The following PCDH15 variants were observed in gnomAD, a reference collection of about 807,000 sequenced individuals.
The protein encoded by PCDH15 is protocadherin related 15, also known as protocadherin-15.
Under a neutral mutation model 178.5 loss-of-function variants are expected in PCDH15, and 129 were observed. That is an observed-to-expected ratio of 0.72 (90% CI 0.63 to 0.84). The LOEUF (loss-of-function observed/expected upper bound fraction) is 0.84, where lower values mean the gene tolerates loss of function less well. Ranked by LOEUF, PCDH15 falls within the 40% of genes least tolerant of loss-of-function variation. PCDH15 has a pLI of 0.00. For synonymous variants in PCDH15, 800 were observed against 732.0 expected (o/e 1.09, Z -1.50); for missense variants, 2,230 against 2,099.9 (o/e 1.06, Z -1.21).
chr10:54,433,538 G>A (rs1361914354), intron 3 of PCDH15, among the ~76,000 whole-genome samples: 2 of 152,092 alleles, frequency 1.3e-5, no homozygotes. Context: ...GAGATAGAGA[G>A]TAGAAGCCTT....
chr10:55,433,471 T>A (rs1322898579), intron 2 of PCDH15, among the ~76,000 whole-genome samples: 1 of 152,164 alleles, frequency 6.6e-6, no homozygotes, highest in Admixed American at 6.5e-5. Context: ...TATTGGGTAC[T>A]ATGCTTATTA....
chr10:54,336,250 G>A (rs1221914507), intron 6 of PCDH15, among the ~76,000 whole-genome samples: 2 of 152,162 alleles, frequency 1.3e-5, no homozygotes. Context: ...CAGTAGAAAA[G>A]AAACACCCAT....
At chr10:54,915,654 T>G (rs1321121812) in intron 2 of PCDH15, among the ~76,000 whole-genome samples, 1 of 152,126 alleles carries the variant, frequency 6.6e-6, no homozygotes, top group Non-Finnish European at 1.5e-5. Flanking sequence ...GTAATTTGAA[T>G]AAGTTTTGAA....
At chr10:55,147,830 T>TA (rs1472043135) in intron 2 of PCDH15, among the ~76,000 whole-genome samples, 2 of 151,564 alleles carry the variant, frequency 1.3e-5, no homozygotes, top group East Asian at 1.9e-4. Context: ...CTCCTCTTCC[T>TA]CCTTTTTCTC....
At chr10:55,607,294 T>C (rs1324992688) in intron 2 of PCDH15, among the ~76,000 whole-genome samples, 1 of 151,506 alleles carries the variant, frequency 6.6e-6, no homozygotes, top group Admixed American at 6.6e-5. Context: ...TTTTACACTG[T>C]TGGTGGGACT....
chr10:55,337,303 C>T (rs72803877), intron 2 of PCDH15, among the ~76,000 whole-genome samples: 16,590 of 152,202 alleles, frequency 0.11, 1,007 homozygotes, highest in East Asian at 0.16. Flanking sequence ...TCCACAAGGA[C>T]AGTTGTCTGT....
At chr10:54,979,338 T>C (rs947283921) in intron 2 of PCDH15, among the ~76,000 whole-genome samples, 2 of 152,132 alleles carry the variant, frequency 1.3e-5, no homozygotes, top group Non-Finnish European at 2.9e-5. Flanking sequence ...CTGGACTTGT[T>C]TCTGTGGCTT....
At chr10:54,764,845 T>A (rs1948316730) in intron 1 of PCDH15, among the ~76,000 whole-genome samples, 1 of 152,164 alleles carries the variant, frequency 6.6e-6, no homozygotes, top group South Asian at 2.1e-4. Flanking sequence ...AAGAAGCAAC[T>A]GTTGCCCTCA....
intron 14 of PCDH15, among the ~76,000 whole-genome samples, chr10:54,134,064 GA>G (rs2133076379): frequency 7.4e-6 from 1 of 134,844 alleles, no homozygotes; most frequent in South Asian, 2.7e-4. Flanking sequence ...ATTTATTTGA[GA>G]CGGAGAGTTG....
intron 1 of PCDH15, among the ~76,000 whole-genome samples, chr10:55,284,885 T>G (rs1305142430): frequency 2.0e-5 from 3 of 151,988 alleles, no homozygotes; most frequent in Non-Finnish European, 4.4e-5. Flanking sequence ...AATGTTTGGC[T>G]TCTTCTGAAT....
intron 3 of PCDH15, among the ~76,000 whole-genome samples, chr10:54,830,441 G>A (rs1953203388): frequency 6.6e-6 from 1 of 152,046 alleles, no homozygotes; most frequent in Admixed American, 6.6e-5. Flanking sequence ...GTAGGGACAT[G>A]GATGAAGCTG....
chr10:54,295,909 C>T (rs2059733954), intron 8 of PCDH15, among the ~76,000 whole-genome samples: 1 of 151,108 alleles, frequency 6.6e-6, no homozygotes, highest in African/African-American at 2.5e-5. Flanking sequence ...CTTTGGGAGG[C>T]CGAGGCGGGC....
intron 8 of PCDH15, among the ~76,000 whole-genome samples, chr10:54,259,632 G>A (rs970211286): frequency 6.7e-6 from 1 of 148,430 alleles, no homozygotes; most frequent in African/African-American, 2.5e-5. Context: ...TGTTAATGTA[G>A]TGGGCTATTT....
chr10:54,740,508 G>T (rs372777622), intron 1 of PCDH15, among the ~76,000 whole-genome samples: 19 of 151,802 alleles, frequency 1.3e-4, no homozygotes, highest in East Asian at 9.7e-4. Flanking sequence ...ATATGATCCA[G>T]CAATTCCATT....
Position 54,236,809 on chromosome 10 carries a change from T to C in PCDH15, c.985+14A>G. On this transcript the variant is annotated intron_variant, in intron 9 of 37. Coordinates refer to ENST00000644397, the MANE Select transcript of PCDH15 (RefSeq NM_001384140.1). ...TAGAATAACTGATAGTGTAAAATGT[T>C]ATCAGATACAAACCAACAAGGATGG... The C allele has an allele frequency of 6.3e-7, 1 of 1,580,238 alleles. No homozygotes were observed. Among genetic ancestry groups the C allele is most frequent in the Non-Finnish European group, 8.7e-7 (1 of 1,149,282 alleles).
chr10:54,671,954 C>G (rs2094682607), intron 1 of PCDH15, among the ~76,000 whole-genome samples: 2 of 152,102 alleles, frequency 1.3e-5, no homozygotes, highest in African/African-American at 2.4e-5. Flanking sequence ...TACAGCCCCT[C>G]CCCATCATTC....
chr10:54,618,087 A>T (rs1442279669), intron 2 of PCDH15, among the ~76,000 whole-genome samples: 1 of 152,124 alleles, frequency 6.6e-6, no homozygotes, highest in Non-Finnish European at 1.5e-5. Flanking sequence ...CTTCCCATTT[A>T]GCATGTTCTA....
intron 6 of PCDH15, among the ~76,000 whole-genome samples, chr10:54,332,111 G>A (rs1021304924): frequency 1.3e-5 from 2 of 148,806 alleles, no homozygotes; most frequent in African/African-American, 4.9e-5. Flanking sequence ...AAAAGAGCCC[G>A]GATCTGTGTT....
chr10:54,206,030 C>T (rs4245029), intron 10 of PCDH15, among the ~76,000 whole-genome samples: 136,586 of 151,924 alleles, frequency 0.9, 61,562 homozygotes, highest in East Asian at 0.98. Context: ...TGTAATATAA[C>T]GACGAAATAA....
Sources: gnomAD v4.1 joint callset for allele counts (sites outside exome capture counted in the v4.1 genomes callset) on GRCh38, gnomAD v4.1.1 for gene constraint, MANE v1.5 for transcripts, NCBI Gene and HGNC (gene_info 2026-07-23, HGNC 2026-07-21) for gene names.